NAA60: variants seen among roughly 807,000 people sequenced by gnomAD.
The protein encoded by NAA60 is N-alpha-acetyltransferase 60, NatF catalytic subunit.
In NAA60, 8 loss-of-function variants were observed where a neutral mutation model predicts 26.1. The ratio of observed to expected loss-of-function variants is 0.31; its 90% CI spans 0.18 to 0.55. The LOEUF (loss-of-function observed/expected upper bound fraction) is 0.55. NAA60 is among the 20% of genes least tolerant of loss of function. The pLI is 0.93. For missense variants in NAA60, 290 were observed against 311.3 expected, an observed-to-expected ratio of 0.93 and a Z score of 0.51; for synonymous variants, 131 against 122.5, an observed-to-expected ratio of 1.07 and a Z score of -0.46.
At position 3,443,693 on chromosome 16, in the gene NAA60, C is replaced by CG. The variant is rs761398455; in HGVS notation, c.-217dup. 222 of 1,402,866 alleles carry CG rather than the reference C, an allele frequency of 1.6e-4. No individual in the cohort carries two copies. The highest frequency in any genetic ancestry group is 2.0e-4 in the Non-Finnish European group (215 of 1,078,704). 86.9% of individuals were successfully genotyped at this position (1,402,866 alleles called of 1,614,324 possible). Reference sequence around the variant, plus strand: ...AAGCAACCATTTCCGCTTCCGCTGGCGGGGTCTCCTCCGTGAGCTCCGGGC... The same window carrying CG: ...AAGCAACCATTTCCGCTTCCGCTGGCGGGGGTCTCCTCCGTGAGCTCCGGGC... On this transcript the variant is annotated 5_prime_UTR_variant, in exon 1 of 8. Transcript: ENST00000407558.
At chr16:3,472,977 T>A (rs769774386) in intron 2 of NAA60, among the ~76,000 whole-genome samples, 7 of 152,088 alleles carry the variant, frequency 4.6e-5, no homozygotes, top group Admixed American at 6.6e-5. Context: ...TCTGTTCTTT[T>A]AGAGGTTTTG....
At chr16:3,470,933 T>C (rs1481662320) in intron 2 of NAA60, among the ~76,000 whole-genome samples, 1 of 152,204 alleles carries the variant, frequency 6.6e-6, no homozygotes, top group Admixed American at 6.5e-5. Context: ...TGATGCATGC[T>C]GCATTTGGCC....
At chr16:3,478,145 A>C (rs1485103427) in intron 3 of NAA60, among the ~76,000 whole-genome samples, 1 of 152,132 alleles carries the variant, frequency 6.6e-6, no homozygotes, top group Non-Finnish European at 1.5e-5. Flanking sequence ...CTGAGGCAGG[A>C]GAATCACTTG....
chr16:3,449,589 G>C (rs998258432), intron 2 of NAA60, among the ~76,000 whole-genome samples: 5 of 152,190 alleles, frequency 3.3e-5, no homozygotes, highest in Non-Finnish European at 7.4e-5. Context: ...GGAGGCTAAG[G>C]AAGAAGAATT....
chr16:3,474,998 C>A (rs552212175), intron 2 of NAA60, among the ~76,000 whole-genome samples: 58 of 151,770 alleles, frequency 3.8e-4, no homozygotes, highest in African/African-American at 1.4e-3. Context: ...CCAGGCTGAT[C>A]TCAAACTCCT....
chr16:3,458,515 GGT>G (rs1567369488), intron 2 of NAA60, among the ~76,000 whole-genome samples: 9 of 152,186 alleles, frequency 5.9e-5, no homozygotes, highest in African/African-American at 2.2e-4. Context: ...ACTAGAGGGT[GGT>G]CCTCATGGGT....
At chr16:3,444,143 A>G (rs2034453688) in intron 1 of NAA60, among the ~76,000 whole-genome samples, 1 of 152,174 alleles carries the variant, frequency 6.6e-6, no homozygotes. Context: ...GAATAGAGCC[A>G]TAGGTTAGCG....
intron 2 of NAA60, among the ~76,000 whole-genome samples, chr16:3,460,894 ATCAGGACTCC>A (rs1352989095): frequency 6.6e-6 from 1 of 152,180 alleles, no homozygotes; most frequent in Non-Finnish European, 1.5e-5. Context: ...ATGATCCAGG[ATCAGGACTCC>A]TTCCCTACAT....
chr16:3,456,082 C>T (rs1317087653), intron 2 of NAA60, among the ~76,000 whole-genome samples: 2 of 152,178 alleles, frequency 1.3e-5, no homozygotes, highest in Non-Finnish European at 2.9e-5. Context: ...GTATTTAGAA[C>T]CCTGGAAACA....
In NAA60 at chr16:3,485,821, G is replaced by C; in HGVS notation, c.*561G>C. The C allele has an allele frequency of 2.7e-6, 1 of 373,618 alleles. No homozygotes were observed. Among genetic ancestry groups the C allele is most frequent in the Non-Finnish European group, 5.3e-6 (1 of 187,450 alleles). The allele number at this position is 373,618 out of a possible 1,614,324, so 23.1% of individuals were successfully genotyped here. On this transcript the variant is annotated 3_prime_UTR_variant, in exon 8 of 8. Transcript: ENST00000407558. Reference sequence around the variant, plus strand: ...GGCCCCCACTCCTCCATGAGGGGCTGATGAGGGGTGGGCAGCCTGGGGGAG... The same window carrying C: ...GGCCCCCACTCCTCCATGAGGGGCTCATGAGGGGTGGGCAGCCTGGGGGAG...
Position 3,485,784 on chromosome 16 carries a change from G to C in NAA60, c.*524G>C. The C allele has an allele frequency of 2.4e-6, 1 of 414,934 alleles. No homozygotes were observed. The highest frequency in any genetic ancestry group is 4.9e-6 in the Non-Finnish European group (1 of 204,068). The allele number at this position is 414,934 out of a possible 1,614,324, so 25.7% of individuals were successfully genotyped here. A position where few individuals can be genotyped will look rare whatever the true frequency, so the allele number is the denominator to read the frequency against. On this transcript the variant is annotated 3_prime_UTR_variant, in exon 8 of 8. Transcript: ENST00000407558. The stretch of plus-strand genomic sequence containing the variant: ...CCAGAACCAGCCCAAAGAAGCCTGG[G>C]GGGTGAGGAGTGGCCCCCACTCCTC...
intron 2 of NAA60, among the ~76,000 whole-genome samples, chr16:3,471,183 T>C (rs1484533576): frequency 3.3e-5 from 5 of 152,106 alleles, no homozygotes; most frequent in African/African-American, 9.7e-5. Context: ...AGCCACAATA[T>C]AGAGATTTGT....
intron 2 of NAA60, among the ~76,000 whole-genome samples, chr16:3,475,756 C>T (rs991765258): frequency 3.3e-5 from 5 of 152,248 alleles, no homozygotes; most frequent in African/African-American, 4.8e-5. Context: ...CCCTGCAAAT[C>T]CAGCCGTTCA....
chr16:3,444,694 A>G (rs1456061546), intron 1 of NAA60, among the ~76,000 whole-genome samples: 1 of 152,254 alleles, frequency 6.6e-6, no homozygotes, highest in African/African-American at 2.4e-5. Context: ...GAGCAGTTAC[A>G]GGTTGGTTAA....
At chr16:3,471,031 G>A (rs1356070072) in intron 2 of NAA60, among the ~76,000 whole-genome samples, 4 of 152,172 alleles carry the variant, frequency 2.6e-5, no homozygotes, top group African/African-American at 9.7e-5. Context: ...GTAGGGATTT[G>A]AAAATCCGCA....
At chr16:3,463,976 C>T (rs1177881052) in intron 2 of NAA60, among the ~76,000 whole-genome samples, 2 of 152,302 alleles carry the variant, frequency 1.3e-5, no homozygotes, top group East Asian at 1.9e-4. Flanking sequence ...AGAATGGAAC[C>T]GTCTGCTGCA....
At chr16:3,458,040 C>G in intron 2 of NAA60, 1 of 985,264 alleles carries the variant, frequency 1.0e-6, no homozygotes, top group Non-Finnish European at 1.2e-6. Flanking sequence ...GTGCCGCGGG[C>G]TGCCGCCTCC....
In NAA60 at chr16:3,443,771, T is replaced by G. The variant is rs2034436589; in HGVS notation, c.-143T>G. 2 of 1,533,856 alleles carry G rather than the reference T, an allele frequency of 1.3e-6. No individual in the cohort carries two copies. Among genetic ancestry groups the G allele is most frequent in the Non-Finnish European group, 1.7e-6 (2 of 1,145,992 alleles). ...GGGTGACCCCAGGGGGACGTAATGT[T>G]TCCGAGAAGAAGGACAGAAAGAAGA... On this transcript the variant is annotated 5_prime_UTR_variant, in exon 1 of 8. Coordinates refer to ENST00000407558, the MANE Select transcript of NAA60 (RefSeq NM_001083601.3).
chr16:3,464,255 T>C (rs1292194826), intron 2 of NAA60, among the ~76,000 whole-genome samples: 2 of 152,160 alleles, frequency 1.3e-5, no homozygotes, highest in African/African-American at 4.8e-5. Flanking sequence ...TCAAGTGATC[T>C]GCCTGCCTCG....
Sources: gnomAD v4.1 joint callset for allele counts (sites outside exome capture counted in the v4.1 genomes callset) on GRCh38, gnomAD v4.1.1 for gene constraint, MANE v1.5 for transcripts, NCBI Gene and HGNC (gene_info 2026-07-23, HGNC 2026-07-21) for gene names.